Variants in LDB2 observed in about 807,000 individuals in gnomAD.
LDB2 encodes the protein LIM domain binding 2.
A neutral mutation model predicts 44.3 loss-of-function variants in LDB2; 12 were observed. The ratio of observed to expected loss-of-function variants is 0.27; its 90% CI spans 0.17 to 0.44. The LOEUF (loss-of-function observed/expected upper bound fraction) is 0.44, where lower values mean the gene tolerates loss of function less well. Among genes scored for constraint, LDB2 ranks in the 20% least tolerant of loss-of-function variants. LDB2 has a pLI of 1.00. For missense variants in LDB2, 344 were observed against 473.5 expected (o/e 0.73, Z 2.54); for synonymous variants, 164 against 174.8 (o/e 0.94, Z 0.49).
At chr4:16,763,941 T>A (rs1012421086) in intron 1 of LDB2, among the ~76,000 whole-genome samples, 1 of 152,144 alleles carries the variant, frequency 6.6e-6, no homozygotes, top group African/African-American at 2.4e-5. Flanking sequence ...CGGCATATAG[T>A]AGTTGTTCAA....
At chr4:16,624,307 G>A (rs189074461) in intron 2 of LDB2, among the ~76,000 whole-genome samples, 81 of 152,158 alleles carry the variant, frequency 5.3e-4, no homozygotes, top group African/African-American at 1.9e-3. Flanking sequence ...ATGTTGCCCA[G>A]GCTAGTCTCG....
intron 1 of LDB2, among the ~76,000 whole-genome samples, chr4:16,847,819 T>C (rs1787384655): frequency 6.6e-6 from 1 of 152,228 alleles, no homozygotes; most frequent in Admixed American, 6.5e-5. Flanking sequence ...GGTTTTACCA[T>C]GTTAACCAGG....
At chr4:16,745,346 T>C (rs1334737648) in intron 2 of LDB2, among the ~76,000 whole-genome samples, 1 of 152,170 alleles carries the variant, frequency 6.6e-6, no homozygotes, top group African/African-American at 2.4e-5. Flanking sequence ...ACTGCGGGGA[T>C]TTAAGAACTC....
chr4:16,874,903 A>T (rs922556523), intron 1 of LDB2, among the ~76,000 whole-genome samples: 1 of 152,208 alleles, frequency 6.6e-6, no homozygotes, highest in African/African-American at 2.4e-5. Context: ...AATTGGTCCA[A>T]TTATGTTTTT....
chr4:16,763,992 C>T (rs1390634535), intron 1 of LDB2, among the ~76,000 whole-genome samples: 2 of 151,860 alleles, frequency 1.3e-5, no homozygotes, highest in Non-Finnish European at 2.9e-5. Flanking sequence ...CTCATTTAAC[C>T]CTTAAGATAT....
chr4:16,804,924 G>A (rs905226190), intron 1 of LDB2, among the ~76,000 whole-genome samples: 6 of 152,150 alleles, frequency 3.9e-5, no homozygotes, highest in Non-Finnish European at 5.9e-5. Flanking sequence ...TCTGGATGCT[G>A]GAAATCCAAA....
intron 2 of LDB2, among the ~76,000 whole-genome samples, chr4:16,607,573 T>G (rs541583999): frequency 6.6e-6 from 1 of 152,206 alleles, no homozygotes; most frequent in Non-Finnish European, 1.5e-5. Flanking sequence ...CAGTGGGCAG[T>G]TGCAAATATT....
At chr4:16,553,165 T>C (rs1028837008) in intron 5 of LDB2, among the ~76,000 whole-genome samples, 1 of 152,188 alleles carries the variant, frequency 6.6e-6, no homozygotes, top group Non-Finnish European at 1.5e-5. Flanking sequence ...ATTATTATTA[T>C]TTTTTGAGAC....
intron 5 of LDB2, among the ~76,000 whole-genome samples, chr4:16,524,339 G>A (rs1727416175): frequency 1.3e-5 from 2 of 152,168 alleles, no homozygotes; most frequent in African/African-American, 4.8e-5. Flanking sequence ...ATAAAGAAGG[G>A]CAAAGCGTGT....
intron 2 of LDB2, among the ~76,000 whole-genome samples, chr4:16,755,874 T>C (rs1766534995): frequency 6.6e-6 from 1 of 152,094 alleles, no homozygotes; most frequent in African/African-American, 2.4e-5. Context: ...GGCCAATTTC[T>C]CACATAGTCT....
chr4:16,521,912 G>A (rs922583250), intron 5 of LDB2, among the ~76,000 whole-genome samples: 10 of 152,160 alleles, frequency 6.6e-5, no homozygotes, highest in Non-Finnish European at 1.5e-4. Context: ...GCAAGATGAA[G>A]GACTTTGGGT....
intron 1 of LDB2, among the ~76,000 whole-genome samples, chr4:16,844,598 G>A (rs756158881): frequency 3.9e-5 from 6 of 152,146 alleles, no homozygotes; most frequent in South Asian, 2.1e-4. Flanking sequence ...AGCACAAAGT[G>A]TTTTAATGTT....
chr4:16,882,931 TA>T (rs892753554), intron 1 of LDB2, among the ~76,000 whole-genome samples: 11 of 152,186 alleles, frequency 7.2e-5, no homozygotes, highest in Middle Eastern at 3.4e-3. Flanking sequence ...TTAACCTTTC[TA>T]AAAAAAACTG....
At chr4:16,584,228 G>T (rs962908006) in intron 5 of LDB2, among the ~76,000 whole-genome samples, 17 of 152,128 alleles carry the variant, frequency 1.1e-4, no homozygotes, top group African/African-American at 4.1e-4. Context: ...TGGATTTTCT[G>T]ACCCAGTCCT....
intron 2 of LDB2, among the ~76,000 whole-genome samples, chr4:16,723,126 A>G (rs518223): frequency 0.49 from 73,852 of 152,068 alleles, 18,344 homozygotes; most frequent in East Asian, 0.81. Context: ...GACACTTCCT[A>G]ATGATGACAA....
At chr4:16,538,866 G>T (rs1732763705) in intron 5 of LDB2, among the ~76,000 whole-genome samples, 1 of 151,942 alleles carries the variant, frequency 6.6e-6, no homozygotes, top group African/African-American at 2.4e-5. Flanking sequence ...AGTACCTTTT[G>T]CTTTCCTCAT....
intron 2 of LDB2, among the ~76,000 whole-genome samples, chr4:16,725,468 G>A (rs575120880): frequency 5.3e-5 from 8 of 152,152 alleles, no homozygotes; most frequent in Admixed American, 1.3e-4. Flanking sequence ...GCAGGAAGCC[G>A]GATCCCGCTA....
At chr4:16,736,924 T>TC (rs1037066892) in intron 2 of LDB2, among the ~76,000 whole-genome samples, 2 of 152,032 alleles carry the variant, frequency 1.3e-5, no homozygotes, top group African/African-American at 4.8e-5. Context: ...TCTGATTAAA[T>TC]CCCCCAAAAT....
chr4:16,645,326 G>A (rs1736415684), intron 2 of LDB2, among the ~76,000 whole-genome samples: 1 of 151,568 alleles, frequency 6.6e-6, no homozygotes, highest in African/African-American at 2.4e-5. Context: ...CATGAGGTCA[G>A]GAGATCGAGA....
Sources: gnomAD v4.1 joint callset for allele counts (sites outside exome capture counted in the v4.1 genomes callset) on GRCh38, gnomAD v4.1.1 for gene constraint, MANE v1.5 for transcripts, NCBI Gene and HGNC (gene_info 2026-07-23, HGNC 2026-07-21) for gene names.